Variants in OR51B5 observed in about 807,000 individuals in gnomAD.
OR51B5 encodes olfactory receptor family 51 subfamily B member 5.
For missense variants in OR51B5, 456 were observed against 374.6 expected, an observed-to-expected ratio of 1.22 and a Z score of -1.79; for synonymous variants, 186 against 144.8, an observed-to-expected ratio of 1.28 and a Z score of -2.04.
chr11:5,403,794 C>T (rs562887445), intron 1 of OR51B5, among the ~76,000 whole-genome samples: 134 of 152,180 alleles, frequency 8.8e-4, no homozygotes, highest in Admixed American at 2.6e-3. Context: ...CATTACCTTG[C>T]ATACCTGGAG....
At chr11:5,498,557 T>C (rs1590031446) in intron 1 of OR51B5, among the ~76,000 whole-genome samples, 1 of 152,236 alleles carries the variant, frequency 6.6e-6, no homozygotes, top group African/African-American at 2.4e-5. Flanking sequence ...TGCTCACGAA[T>C]ATACCCAAAA....
intron 1 of OR51B5, chr11:5,430,929 A>G (rs1850524821): frequency 2.2e-6 from 1 of 457,094 alleles, no homozygotes; most frequent in South Asian, 1.5e-5. Context: ...CCATCACTGT[A>G]TAAAGAATCA....
At chr11:5,373,645 C>T (rs1375338859) in intron 1 of OR51B5, among the ~76,000 whole-genome samples, 6 of 152,168 alleles carry the variant, frequency 3.9e-5, no homozygotes, top group Admixed American at 6.5e-5. Context: ...GCTTTTCTGA[C>T]AGGCTTAGGA....
chr11:5,486,144 A>T (rs201082423), intron 1 of OR51B5, among the ~76,000 whole-genome samples: 1 of 151,888 alleles, frequency 6.6e-6, no homozygotes, highest in South Asian at 2.1e-4. Context: ...TGTTTCTGTT[A>T]TTAAACCTCT....
At chr11:5,360,521 G>A (rs1192714278) in intron 1 of OR51B5, among the ~76,000 whole-genome samples, 2 of 151,494 alleles carry the variant, frequency 1.3e-5, no homozygotes, top group East Asian at 3.9e-4. Context: ...GAAGAAGTAG[G>A]AACACTTTTA....
At chr11:5,421,672 GA>G (rs1307540076) in intron 1 of OR51B5, among the ~76,000 whole-genome samples, 1 of 152,080 alleles carries the variant, frequency 6.6e-6, no homozygotes, top group Non-Finnish European at 1.5e-5. Context: ...AAACCTTAAT[GA>G]ATGAAAAAAT....
At chr11:5,489,221 G>T (rs573874618) in intron 1 of OR51B5, 1 of 1,613,926 alleles carries the variant, frequency 6.2e-7, no homozygotes, top group South Asian at 1.1e-5. Flanking sequence ...CTCCCCTACT[G>T]TGGTCACCGT....
At position 5,361,591 on chromosome 11, in the gene OR51B5, G is replaced by T. The variant is rs148333630; in HGVS notation, n.85-14681C>A. 3.7e-3 allele frequency among the ~76,000 whole-genome samples: 561 copies of T among 152,192 alleles called. 3 individuals carry two copies. The highest frequency in any genetic ancestry group is 4.4e-3 in the Non-Finnish European group (298 of 68,020). ...TGGCTTATCAGAGATTGCAGAGAGG[G>T]AAATGCAGTAATGTATCAGTCAAGA... is the stretch of plus-strand genomic sequence containing the variant. On this transcript the variant is annotated intron_variant and non_coding_transcript_variant, in intron 1 of 4. Coordinates refer to the OR51B5 transcript ENST00000415970.
At chr11:5,486,846 T>G (rs1388735365) in intron 1 of OR51B5, among the ~76,000 whole-genome samples, 2 of 152,156 alleles carry the variant, frequency 1.3e-5, no homozygotes, top group African/African-American at 4.8e-5. Context: ...ATCGTGTTTC[T>G]TTGTATTACA....
At chr11:5,374,694 C>T (rs867724337) in intron 1 of OR51B5, among the ~76,000 whole-genome samples, 4 of 152,192 alleles carry the variant, frequency 2.6e-5, no homozygotes, top group Middle Eastern at 3.4e-3. Context: ...ATGGAGAAGC[C>T]TCAGGAGCTG....
At chr11:5,361,585 G>A (rs1463506323) in intron 1 of OR51B5, among the ~76,000 whole-genome samples, 5 of 152,162 alleles carry the variant, frequency 3.3e-5, no homozygotes, top group Admixed American at 3.3e-4. Context: ...AGAGATTGCA[G>A]AGAGGGAAAT....
intron 1 of OR51B5, chr11:5,453,856 A>G (rs763738054): frequency 1.2e-6 from 2 of 1,614,164 alleles, no homozygotes; most frequent in South Asian, 1.1e-5. Context: ...TTTGACCGCT[A>G]TGTGGCCATT....
At chr11:5,410,990 G>C (rs1440778205) in intron 1 of OR51B5, among the ~76,000 whole-genome samples, 2 of 152,100 alleles carry the variant, frequency 1.3e-5, no homozygotes, top group Non-Finnish European at 2.9e-5. Context: ...AAGTAGAAAA[G>C]ATACAGTAAG....
intron 1 of OR51B5, among the ~76,000 whole-genome samples, chr11:5,381,143 G>GTCGC (rs1279831735): frequency 1.8e-5 from 2 of 110,652 alleles, no homozygotes; most frequent in East Asian, 2.2e-4. Flanking sequence ...CTCTCTCTCT[G>GTCGC]TCGCTCGCTC....
intron 1 of OR51B5, chr11:5,454,106 C>T: frequency 6.2e-7 from 1 of 1,614,220 alleles, no homozygotes. Flanking sequence ...TTGTATCCAC[C>T]TTTGGCATGG....
intron 1 of OR51B5, chr11:5,505,315 A>T (rs955581433): frequency 7.7e-7 from 1 of 1,302,862 alleles, no homozygotes; most frequent in Admixed American, 2.3e-5. Context: ...TTCAATGTAT[A>T]TCTTCCCCAG....
intron 1 of OR51B5, among the ~76,000 whole-genome samples, chr11:5,382,398 A>T (rs1364052620): frequency 1.3e-5 from 2 of 152,192 alleles, no homozygotes; most frequent in Non-Finnish European, 2.9e-5. Context: ...TGCTACCCAC[A>T]AATATTAATA....
At chr11:5,366,109 G>A (rs1356863457) in intron 1 of OR51B5, among the ~76,000 whole-genome samples, 1 of 152,182 alleles carries the variant, frequency 6.6e-6, no homozygotes, top group East Asian at 1.9e-4. Context: ...TTGTCCAGTT[G>A]TGTGTGACTT....
At position 5,343,192 on chromosome 11, in the gene OR51B5, G is replaced by A. The variant is rs1848928520; in HGVS notation, c.333C>T (p.Gly111=). ...GGTCATAGGCCATGGCAAGCAGAAT[G>A]CCAGACTCGAGAAAGGAAAGTGAGT... is the stretch of plus-strand genomic sequence containing the variant. Residue 111 remains glycine (G), a synonymous_variant, in exon 1 of 1, where the codon GGC becomes GGT. Transcript: ENST00000300773. 4 of 1,613,762 alleles carry A rather than the reference G, an allele frequency of 2.5e-6. No homozygotes were observed. The South Asian group carries it at 3.3e-5, about 13-fold the overall frequency.
Sources: allele counts gnomAD v4.1 joint callset (sites outside exome capture counted in the v4.1 genomes callset), GRCh38; gene constraint gnomAD v4.1.1; transcripts MANE v1.5; gene names NCBI Gene and HGNC (gene_info 2026-07-23, HGNC 2026-07-21).